Variants in SPTBN5 observed in about 807,000 individuals in gnomAD.
SPTBN5 encodes the protein spectrin beta, non-erythrocytic 5, also known as spectrin beta chain, non-erythrocytic 5.
In SPTBN5, 513 loss-of-function variants were observed where a neutral mutation model predicts 477.6. That is an observed-to-expected ratio of 1.07 (90% CI 1.00 to 1.16). The LOEUF (loss-of-function observed/expected upper bound fraction) is 1.16. SPTBN5 is among the 50% of genes most tolerant of loss of function. SPTBN5 has a pLI of 0.00. For synonymous variants in SPTBN5, 2,169 were observed against 2,011.7 expected (o/e 1.08, Z -2.09); for missense variants, 5,062 against 4,731.8 (o/e 1.07, Z -2.05).
rs1411769826 is a variant in SPTBN5, at chr15:41,888,082, C to T, written c.505G>A (p.Glu169Lys). Reference protein sequence around the residue: ...QISHISLDKEEFGASAALLST... With the variant: ...QISHISLDKEKFGASAALLST... The stretch of plus-strand genomic sequence containing the variant: ...AGCAGGGCTGCGCTGGCCCCAAACT[C>T]CTCCTGGCGGGACAGGGCAGCAGGG... Residue 169 changes from glutamate (E) to lysine (K), a missense_variant, in exon 5 of 68, where the codon GAG (glutamate) becomes AAG (lysine). Physicochemically the swap from Glu to Lys is moderately conservative, Grantham distance 56. Coordinates refer to ENST00000320955, the MANE Select transcript of SPTBN5 (RefSeq NM_016642.4). 3 of 1,568,124 alleles carry T rather than the reference C, an allele frequency of 1.9e-6. No individual in the cohort carries two copies. Among genetic ancestry groups the T allele is most frequent in the Non-Finnish European group, 2.6e-6 (3 of 1,157,468 alleles).
chr15:41,861,533 A>G (rs1428132261), intron 45 of SPTBN5, 37 bp from the exon 46 acceptor site: 1 of 1,604,066 alleles, frequency 6.2e-7, no homozygotes, highest in Non-Finnish European at 8.5e-7. Flanking sequence ...CAGTCGGTGG[A>G]GGGTCCAGCC....
chr15:41,890,300 A>G (rs1305108654), intron 3 of SPTBN5, 95 bp from the exon 4 acceptor site: 1 of 798,320 alleles, frequency 1.3e-6, no homozygotes, highest in Non-Finnish European at 2.1e-6. Flanking sequence ...GGATGGGAGC[A>G]TCCTGGAATC....
intron 16 of SPTBN5, 56 bp downstream of exon 16, chr15:41,879,204 C>T: frequency 6.4e-7 from 1 of 1,562,468 alleles, no homozygotes; most frequent in Non-Finnish European, 8.7e-7. Flanking sequence ...ACTGCCCTGC[C>T]CACGCCTTCC....
chr15:41,850,740 A>G (rs951766297), intron 66 of SPTBN5, 114 bp downstream of exon 66: 89 of 887,230 alleles, frequency 1.0e-4, no homozygotes, highest in Admixed American at 3.2e-4. Context: ...CACTTCTTGG[A>G]GGTTAGAGAT....
At chr15:41,887,611 G>A (rs2067196103) in intron 5 of SPTBN5, among the ~76,000 whole-genome samples, 170 bp from the exon 6 acceptor site, 1 of 152,116 alleles carries the variant, frequency 6.6e-6, no homozygotes, top group Non-Finnish European at 1.5e-5. Context: ...GACAGAGAAA[G>A]AGGAGAGTTC....
intron 23 of SPTBN5, 27 bp from the exon 24 acceptor site, chr15:41,874,505 A>C: frequency 6.4e-7 from 1 of 1,570,962 alleles, no homozygotes; most frequent in South Asian, 1.2e-5. Context: ...GAGATTGGAG[A>C]GGTTGGGAAC....
Position 41,854,852 on chromosome 15 carries a change from A to G in SPTBN5, c.9548T>C (p.Ile3183Thr). 6.2e-7 allele frequency: 1 copy of G among 1,607,796 alleles called. No individual in the cohort carries two copies. Among genetic ancestry groups the G allele is most frequent in the Non-Finnish European group, 8.5e-7 (1 of 1,176,966 alleles). ...ERGAPRRYPH[I>T]QAQRSRIEAA... is the part of the protein sequence containing the mutation. ...CTCAATGCGGCTCCTCTGGGCTTGG[A>G]TGTGGGGATAGCGCCTGGGTGCACC... is the stretch of plus-strand genomic sequence containing the variant. The change falls in exon 56 of 68, where the codon ATC (isoleucine) becomes ACC (threonine). Residue 3183 changes from isoleucine (I) to threonine (T), a missense_variant. Ile to Thr is a moderately conservative substitution (Grantham distance 89, BLOSUM62 -1). Transcript: ENST00000320955.
intron 56 of SPTBN5, 67 bp downstream of exon 56, chr15:41,854,715 G>A: frequency 2.9e-6 from 4 of 1,360,672 alleles, no homozygotes; most frequent in East Asian, 2.5e-5. Context: ...CTGTGGTAAG[G>A]AGGGCTTAGA....
intron 3 of SPTBN5, 34 bp downstream of exon 3, chr15:41,892,860 A>G (rs1249990485): frequency 6.4e-7 from 1 of 1,559,498 alleles, no homozygotes; most frequent in Non-Finnish European, 8.6e-7. Flanking sequence ...TGCCTGCCCC[A>G]GCACCATCCC....
At chr15:41,858,460 A>G (rs2065991799) in intron 49 of SPTBN5, 142 bp downstream of exon 49, 1 of 1,095,868 alleles carries the variant, frequency 9.1e-7, no homozygotes, top group Non-Finnish European at 1.3e-6. Context: ...CTGCCTAAAC[A>G]ACCGCTTAGC....
intron 62 of SPTBN5, 27 bp from the exon 63 acceptor site, chr15:41,851,877 A>C: frequency 6.3e-7 from 1 of 1,591,708 alleles, no homozygotes; most frequent in Non-Finnish European, 8.6e-7. Context: ...GGGCCCAGAA[A>C]TGTCAGGACC....
chr15:41,876,872 C>T lies in SPTBN5; in HGVS notation c.3788G>A (p.Arg1263Gln), dbSNP rs770485505. ...GCCGTGTGCCCGCAGAGCCTCTGCC[C>T]GAGGCCCCAGGGTGCTCAGGAGCCG... ...FGRLLSTLGP[R>Q]AEALRAHGEK... Residue 1263 changes from arginine to glutamine, a missense_variant, in exon 19 of 68, where the codon CGG becomes CAG. By Grantham distance (43) the Arg-to-Gln change is conservative. Coordinates refer to ENST00000320955, the MANE Select transcript of SPTBN5 (RefSeq NM_016642.4). 127 of 1,610,360 alleles carry T rather than the reference C, an allele frequency of 7.9e-5. No individual in the cohort carries two copies. The highest frequency in any genetic ancestry group is 1.1e-4 in the Non-Finnish European group (124 of 1,179,826).
chr15:41,870,620 C>T, intron 29 of SPTBN5, 60 bp from the exon 30 acceptor site: 1 of 1,434,842 alleles, frequency 7.0e-7, no homozygotes, highest in African/African-American at 1.4e-5. Flanking sequence ...TCATTCCTCC[C>T]TCCCGCTAGG....
Position 41,852,992 on chromosome 15 carries a change from C to T in SPTBN5, c.10179G>A (p.Glu3393=), listed in dbSNP as rs1397863932. Residue 3393 remains glutamate, a synonymous_variant, in exon 60 of 68, where the codon GAG becomes GAA. Coordinates refer to ENST00000320955, the MANE Select transcript of SPTBN5 (RefSeq NM_016642.4). ...GCCGCCCTTCCAGCTCCTGCAGGCA[C>T]TCTGTCACCTGGTGGGGAGGGGCTG... ...NSHFMSAEVT[E]CLQELEGRLQ... is the part of the protein sequence containing the mutation. The T allele has an allele frequency of 1.3e-6, 2 of 1,537,566 alleles. No individual in the cohort carries two copies. The highest frequency in any genetic ancestry group is 1.8e-6 in the Non-Finnish European group (2 of 1,141,394).
chr15:41,854,350 C>G, intron 56 of SPTBN5, 145 bp from the exon 57 acceptor site: 1 of 981,072 alleles, frequency 1.0e-6, no homozygotes, highest in Non-Finnish European at 1.5e-6. Flanking sequence ...AAACCATCCT[C>G]CATGCTGCAG....
intron 41 of SPTBN5, 51 bp from the exon 42 acceptor site, chr15:41,862,954 C>T: frequency 3.3e-6 from 5 of 1,513,966 alleles, no homozygotes; most frequent in Non-Finnish European, 4.5e-6. Context: ...TTCGGCTCCT[C>T]CTTCCTGGCA....
chr15:41,863,807 A>G lies in SPTBN5; in HGVS notation c.7046T>C (p.Phe2349Ser). ...RSQLNNRWASFHGNLLRYQQQ... is the reference protein window; with the variant it reads ...RSQLNNRWASSHGNLLRYQQQ... Reference sequence around the variant, plus strand: ...CTGGTACCGGAGCAAGTTGCCATGGAAACTCGCCCACCTGGCCAAGGGGTG... The same window carrying G: ...CTGGTACCGGAGCAAGTTGCCATGGGAACTCGCCCACCTGGCCAAGGGGTG... The change falls in exon 41 of 68, where the codon TTC becomes TCC. Residue 2349 changes from phenylalanine to serine, a missense_variant. Transcript: ENST00000320955. 1 of 1,613,612 alleles carries G rather than the reference A, an allele frequency of 6.2e-7. No homozygotes were observed. Among genetic ancestry groups the G allele is most frequent in the East Asian group, 2.2e-5 (1 of 44,884 alleles).
chr15:41,875,809 G>A (rs1307756875), intron 21 of SPTBN5, among the ~76,000 whole-genome samples, 187 bp from the exon 22 acceptor site: 1 of 152,208 alleles, frequency 6.6e-6, no homozygotes, highest in African/African-American at 2.4e-5. Context: ...TCTGACCCCT[G>A]CAAATAGAGC....
At chr15:41,868,959 C>T (rs1162286939) in intron 32 of SPTBN5, among the ~76,000 whole-genome samples, 1 of 152,204 alleles carries the variant, frequency 6.6e-6, no homozygotes, top group Non-Finnish European at 1.5e-5. Flanking sequence ...AAAGAAAGTT[C>T]ACCTGCTCTT....
Sources: allele counts gnomAD v4.1 joint callset (sites outside exome capture counted in the v4.1 genomes callset), GRCh38; gene constraint gnomAD v4.1.1; transcripts MANE v1.5; gene names NCBI Gene and HGNC (gene_info 2026-07-23, HGNC 2026-07-21).